Variants in MAP3K2 observed in about 807,000 individuals in gnomAD.
The protein encoded by MAP3K2 is mitogen-activated protein kinase kinase kinase 2, also known as MAP/ERK kinase kinase 2.
A neutral mutation model predicts 80.3 loss-of-function variants in MAP3K2; 24 were observed. The observed-to-expected ratio is 0.30, with a 90% CI of 0.22 to 0.42. The LOEUF is 0.42. Among genes scored for constraint, MAP3K2 ranks in the 10% least tolerant of loss-of-function variants. MAP3K2 has a pLI of 1.00. For synonymous variants in MAP3K2, 244 were observed against 253.7 expected, an observed-to-expected ratio of 0.96 and a Z score of 0.36; for missense variants, 608 against 750.1, an observed-to-expected ratio of 0.81 and a Z score of 2.21.
chr2:127,354,114 G>T (rs1314845490), intron 1 of MAP3K2, among the ~76,000 whole-genome samples: 7 of 151,794 alleles, frequency 4.6e-5, no homozygotes, highest in African/African-American at 7.3e-5. Context: ...GTGGAAGGCC[G>T]CAGGGTCCTC....
At chr2:127,345,877 C>T (rs942527399) in intron 1 of MAP3K2, among the ~76,000 whole-genome samples, 1 of 152,036 alleles carries the variant, frequency 6.6e-6, no homozygotes, top group East Asian at 1.9e-4. Flanking sequence ...AAATTTATAA[C>T]TGTAAATATT....
intron 1 of MAP3K2, among the ~76,000 whole-genome samples, chr2:127,374,714 G>A (rs531846039): frequency 1.6e-4 from 24 of 152,230 alleles, no homozygotes; most frequent in South Asian, 1.0e-3. Context: ...GAGTCCACCC[G>A]ATATGTCATT....
chr2:127,382,147 C>T (rs1687258330), intron 1 of MAP3K2, among the ~76,000 whole-genome samples: 1 of 151,986 alleles, frequency 6.6e-6, no homozygotes. Flanking sequence ...CAATTCAGTA[C>T]GAATGAGATG....
At chr2:127,376,603 CA>C (rs1241898105) in intron 1 of MAP3K2, among the ~76,000 whole-genome samples, 3 of 152,272 alleles carry the variant, frequency 2.0e-5, no homozygotes, top group Admixed American at 6.5e-5. Context: ...TGTGAGGTCC[CA>C]AAGTGGGACC....
chr2:127,325,866 A>T (rs1686127182), intron 8 of MAP3K2, 59 bp from the exon 9 acceptor site: 3 of 1,151,716 alleles, frequency 2.6e-6, no homozygotes, highest in African/African-American at 1.5e-5. Context: ...GTTGCTTATT[A>T]AAAAAACCTG....
In MAP3K2 at chr2:127,304,584, G is replaced by C. The variant is rs1040244351; in HGVS notation, c.*2995C>G. The C allele has an allele frequency of 2.0e-5, 3 of 152,470 alleles. No homozygotes were observed. The highest frequency in any genetic ancestry group is 4.4e-5 in the Non-Finnish European group (3 of 67,996). The allele number at this position is 152,470 out of a possible 1,614,324, so 9.4% of individuals were successfully genotyped here. A position where few individuals can be genotyped will look rare whatever the true frequency, so the allele number is the denominator to read the frequency against. Reference sequence around the variant, plus strand: ...CTGACCATTTTCCAGCGTCAGCAAAGAAGCATTACAGTATAGAAGAATCAA... The same window carrying C: ...CTGACCATTTTCCAGCGTCAGCAAACAAGCATTACAGTATAGAAGAATCAA... On this transcript the variant is annotated 3_prime_UTR_variant, in exon 17 of 17. Transcript: ENST00000682094.
intron 1 of MAP3K2, among the ~76,000 whole-genome samples, chr2:127,379,010 C>G (rs1258237182): frequency 1.0e-5 from 1 of 99,276 alleles, no homozygotes; most frequent in Non-Finnish European, 1.9e-5. Context: ...TTTGGAGAGA[C>G]AGGGTTTCCT....
chr2:127,361,173 C>T (rs1341353106), intron 1 of MAP3K2, among the ~76,000 whole-genome samples: 1 of 151,868 alleles, frequency 6.6e-6, no homozygotes, highest in Non-Finnish European at 1.5e-5. Context: ...ATTAGCTGGG[C>T]ATGGTGGCAG....
Position 127,309,781 on chromosome 2 carries a change from G to A in MAP3K2, c.1457-1019C>T, listed in dbSNP as rs112635976. On this transcript the variant is annotated intron_variant, in intron 15 of 16. Coordinates refer to ENST00000682094, the MANE Select transcript of MAP3K2 (RefSeq NM_001371910.2). ...GTTGTAAGTTTTTTGGAGGAAGACC[G>A]CAGCTAAACTGCCATTCTCATCATA... 3.5e-3 allele frequency among the ~76,000 whole-genome samples: 534 copies of A among 152,212 alleles called. 5 individuals carry two copies. Among genetic ancestry groups the A allele is most frequent in the African/African-American group, 0.012 (506 of 41,532 alleles).
intron 1 of MAP3K2, among the ~76,000 whole-genome samples, chr2:127,386,855 C>G (rs1194715876): frequency 1.3e-5 from 2 of 152,154 alleles, no homozygotes; most frequent in Non-Finnish European, 2.9e-5. Flanking sequence ...AAAAAGACAT[C>G]TGCATATTCG....
Position 127,387,860 on chromosome 2 carries a change from G to A in MAP3K2, c.-474C>T, listed in dbSNP as rs1375250653. 3.0e-6 allele frequency: 3 copies of A among 984,778 alleles called. No homozygotes were observed. The highest frequency in any genetic ancestry group is 2.4e-6 in the Non-Finnish European group (2 of 829,698). The allele number at this position is 984,778 out of a possible 1,614,324, so 61.0% of individuals were successfully genotyped here. On this transcript the variant is annotated 5_prime_UTR_variant, in exon 1 of 17. The change creates a new upstream start codon in the 5' untranslated region. Coordinates refer to ENST00000682094, the MANE Select transcript of MAP3K2 (RefSeq NM_001371910.2). ...GCCGAGCGTCCTGGTCGTTGTTTTC[G>A]TCGCCGCCGCGGGCCGTGCAACCCC...
intron 1 of MAP3K2, among the ~76,000 whole-genome samples, chr2:127,353,055 C>A (rs1251682083): frequency 2.0e-5 from 3 of 152,108 alleles, no homozygotes; most frequent in East Asian, 1.9e-4. Context: ...GCTACAACCT[C>A]CACCTCCCAG....
At chr2:127,358,873 G>A (rs920600290) in intron 1 of MAP3K2, among the ~76,000 whole-genome samples, 1 of 151,340 alleles carries the variant, frequency 6.6e-6, no homozygotes, top group Non-Finnish European at 1.5e-5. Flanking sequence ...AGGTTGCAGT[G>A]AGCCAAGATT....
In MAP3K2 at chr2:127,304,789, T is replaced by A. The variant is rs1166131692; in HGVS notation, c.*2790A>T. ...AATTTACTTTTGGTCTTCCATACCCTCCACCCCCACACCTTCAAGCTTTTT... is the reference window on the plus strand; with the variant it reads ...AATTTACTTTTGGTCTTCCATACCCACCACCCCCACACCTTCAAGCTTTTT... On this transcript the variant is annotated 3_prime_UTR_variant, in exon 17 of 17. Transcript: ENST00000682094. 2 of 152,580 alleles carry A rather than the reference T, an allele frequency of 1.3e-5. No individual in the cohort carries two copies. The highest frequency in any genetic ancestry group is 4.8e-5 in the African/African-American group (2 of 41,464). 9.5% of individuals were successfully genotyped at this position (152,580 alleles called of 1,614,324 possible).
intron 15 of MAP3K2, among the ~76,000 whole-genome samples, chr2:127,311,808 C>A (rs1225958264): frequency 2.6e-5 from 4 of 152,072 alleles, no homozygotes; most frequent in African/African-American, 9.7e-5. Context: ...TTAAAAAAAA[C>A]TAGAATCCAA....
intron 1 of MAP3K2, among the ~76,000 whole-genome samples, chr2:127,382,052 T>C (rs1412695773): frequency 2.0e-5 from 3 of 152,092 alleles, no homozygotes; most frequent in African/African-American, 7.2e-5. Context: ...CTATAAGAGA[T>C]CAAAAAGCCT....
chr2:127,383,586 G>A (rs1469924391), intron 1 of MAP3K2, among the ~76,000 whole-genome samples: 1 of 152,104 alleles, frequency 6.6e-6, no homozygotes, highest in Non-Finnish European at 1.5e-5. Flanking sequence ...GCATCCTTAG[G>A]TTTTTCTAAA....
chr2:127,328,651 G>T (rs193062493), intron 7 of MAP3K2, among the ~76,000 whole-genome samples: 3 of 152,116 alleles, frequency 2.0e-5, no homozygotes, highest in African/African-American at 7.2e-5. Context: ...TCTGCTGCTC[G>T]CATTTCTGCA....
At position 127,383,570 on chromosome 2, in the gene MAP3K2, T is replaced by C. The variant is rs187044196; in HGVS notation, c.-66+3882A>G. Among the ~76,000 whole-genome samples the C allele has an allele frequency of 3.0e-4, 45 of 152,374 alleles. 1 individual carries two copies. Among genetic ancestry groups the C allele is most frequent in the Admixed American group, 2.5e-3 (39 of 15,314 alleles). On this transcript the variant is annotated intron_variant, in intron 1 of 16. Transcript: ENST00000682094. ...ATTATTTGTCAAATTCAAGAGGTTTTTGGTGGCATCCTTAGGTTTTTCTAA... is the reference window on the plus strand; with the variant it reads ...ATTATTTGTCAAATTCAAGAGGTTTCTGGTGGCATCCTTAGGTTTTTCTAA...
Sources: allele counts gnomAD v4.1 joint callset (sites outside exome capture counted in the v4.1 genomes callset), GRCh38; gene constraint gnomAD v4.1.1; transcripts MANE v1.5; gene names NCBI Gene and HGNC (gene_info 2026-07-23, HGNC 2026-07-21).